The following PDE10A variants were observed in gnomAD, a reference collection of about 807,000 sequenced individuals.
PDE10A encodes the protein phosphodiesterase 10A.
Under a neutral mutation model 97.7 loss-of-function variants are expected in PDE10A, and 39 were observed. The observed-to-expected ratio is 0.40, with a 90% CI of 0.31 to 0.52. The LOEUF (loss-of-function observed/expected upper bound fraction) is 0.52. Among genes scored for constraint, PDE10A ranks in the 20% least tolerant of loss-of-function variants. PDE10A has a pLI of 0.56. For missense variants in PDE10A, 731 were observed against 1,047.8 expected (o/e 0.70, Z 4.17); for synonymous variants, 371 against 376.8 (o/e 0.98, Z 0.18).
chr6:165,912,884 A>C (rs1011479968), intron 1 of PDE10A, among the ~76,000 whole-genome samples: 2 of 152,222 alleles, frequency 1.3e-5, no homozygotes, highest in Non-Finnish European at 2.9e-5. Context: ...TGCAGTGTAC[A>C]TGGCAACTTT....
intron 2 of PDE10A, among the ~76,000 whole-genome samples, chr6:165,528,046 AT>A (rs937634960): frequency 1.3e-5 from 2 of 152,220 alleles, no homozygotes; most frequent in African/African-American, 4.8e-5. Context: ...TGCACTTTGA[AT>A]GGAAGGAGAA....
intron 2 of PDE10A, among the ~76,000 whole-genome samples, chr6:165,492,601 C>G (rs1472764552): frequency 1.3e-5 from 2 of 152,132 alleles, no homozygotes; most frequent in Non-Finnish European, 2.9e-5. Context: ...ACATGATCAA[C>G]TCAATAGATG....
chr6:165,895,949 CAGAAACA>C (rs1583249209), intron 1 of PDE10A, among the ~76,000 whole-genome samples: 1 of 152,320 alleles, frequency 6.6e-6, no homozygotes, highest in East Asian at 1.9e-4. Context: ...GCCACAGAAA[CAGAAACA>C]AGCATGGTGT....
At chr6:165,505,305 C>CT (rs1193852111) in intron 2 of PDE10A, among the ~76,000 whole-genome samples, 1 of 152,144 alleles carries the variant, frequency 6.6e-6, no homozygotes, top group Non-Finnish European at 1.5e-5. Context: ...ATTCAAAAGA[C>CT]TCCAGTTTAA....
upstream of PDE10A, among the ~76,000 whole-genome samples, chr6:165,663,274 C>T (rs532465736): frequency 5.1e-4 from 77 of 151,974 alleles, no homozygotes; most frequent in Non-Finnish European, 9.6e-4. Context: ...CCGCCGCCGC[C>T]GCCGCCGCCT....
In PDE10A at chr6:165,645,882, T is replaced by C. The variant is rs990392173; in HGVS notation, c.865+16065A>G. Among the ~76,000 whole-genome samples the C allele has an allele frequency of 1.1e-4, 17 of 148,366 alleles. 1 individual carries two copies. The highest frequency in any genetic ancestry group is 3.7e-4 in the African/African-American group (15 of 40,434). On this transcript the variant is annotated intron_variant, in intron 1 of 21. Coordinates refer to ENST00000539869, the MANE Select transcript of PDE10A (RefSeq NM_001385079.1). ...AAAAAAAAAAAAAGTTTACTTCCTT[T>C]AGCCAACTACTAATATCCACCAAAA...
At chr6:165,571,481 C>G (rs1252628510) in intron 1 of PDE10A, among the ~76,000 whole-genome samples, 1 of 152,150 alleles carries the variant, frequency 6.6e-6, no homozygotes, top group African/African-American at 2.4e-5. Context: ...AAAATGTTAT[C>G]TGAGTAGTCA....
intron 1 of PDE10A, among the ~76,000 whole-genome samples, chr6:165,681,665 A>T (rs981744345): frequency 1.3e-5 from 2 of 152,222 alleles, no homozygotes; most frequent in Admixed American, 6.5e-5. Context: ...TTCTAAAAAA[A>T]GCAAATTGTG....
intron 18 of PDE10A, among the ~76,000 whole-genome samples, chr6:165,355,868 A>G (rs55694649): frequency 0.16 from 24,631 of 152,152 alleles, 2,192 homozygotes; most frequent in East Asian, 0.27. Flanking sequence ...GCTGCTTGAC[A>G]TCCTTGCTGT....
chr6:165,547,448 A>C (rs1783793799), intron 1 of PDE10A, among the ~76,000 whole-genome samples: 8 of 152,162 alleles, frequency 5.3e-5, no homozygotes, highest in Admixed American at 5.2e-4. Context: ...ATGAAGGATT[A>C]CAGTCTAAAC....
intron 2 of PDE10A, among the ~76,000 whole-genome samples, chr6:165,532,966 G>A (rs1782873028): frequency 6.6e-6 from 1 of 152,038 alleles, no homozygotes; most frequent in South Asian, 2.1e-4. Flanking sequence ...ATACTACTCT[G>A]GTGACACAAA....
intron 5 of PDE10A, among the ~76,000 whole-genome samples, chr6:165,440,127 AC>A (rs1790327968): frequency 1.3e-5 from 2 of 152,232 alleles, no homozygotes; most frequent in Non-Finnish European, 2.9e-5. Context: ...TGGATAGTAA[AC>A]AAATTTACAT....
intron 1 of PDE10A, among the ~76,000 whole-genome samples, chr6:165,823,583 A>T (rs1779644197): frequency 6.9e-6 from 1 of 145,670 alleles, no homozygotes; most frequent in South Asian, 2.2e-4. Flanking sequence ...ATAAATATTC[A>T]ATATATATAA....
chr6:165,674,312 A>AG (rs1790731833), intron 1 of PDE10A, among the ~76,000 whole-genome samples: 1 of 148,504 alleles, frequency 6.7e-6, no homozygotes, highest in African/African-American at 2.5e-5. Flanking sequence ...GGCGTGCAGC[A>AG]GGCACTCAGC....
intron 2 of PDE10A, among the ~76,000 whole-genome samples, chr6:165,530,035 T>G (rs1782677706): frequency 6.6e-6 from 1 of 152,092 alleles, no homozygotes; most frequent in East Asian, 1.9e-4. Context: ...CACCATCTAA[T>G]CAGCTTCCAG....
At chr6:165,369,684 C>T (rs9457080) in intron 18 of PDE10A, among the ~76,000 whole-genome samples, 58,811 of 118,552 alleles carry the variant, frequency 0.5, 16,274 homozygotes, top group African/African-American at 0.69. Flanking sequence ...ACTTCCCCAA[C>T]CTAGCAAGGC....
chr6:165,465,457 A>G (rs974562423), intron 3 of PDE10A, among the ~76,000 whole-genome samples: 1 of 152,266 alleles, frequency 6.6e-6, no homozygotes, highest in African/African-American at 2.4e-5. Context: ...CTGAGCACAG[A>G]AGAAATGCTA....
intron 1 of PDE10A, among the ~76,000 whole-genome samples, chr6:165,587,197 G>A (rs1402123423): frequency 6.6e-6 from 1 of 152,170 alleles, no homozygotes; most frequent in Non-Finnish European, 1.5e-5. Flanking sequence ...AAAGAAGACA[G>A]TAAATATCCA....
At chr6:165,869,519 A>T (rs758342443) in intron 1 of PDE10A, among the ~76,000 whole-genome samples, 8 of 152,122 alleles carry the variant, frequency 5.3e-5, no homozygotes, top group African/African-American at 1.9e-4. Flanking sequence ...TGACTGTACT[A>T]CTCAAAGCAA....
Sources: allele counts gnomAD v4.1 joint callset (sites outside exome capture counted in the v4.1 genomes callset), GRCh38; gene constraint gnomAD v4.1.1; transcripts MANE v1.5; gene names NCBI Gene and HGNC (gene_info 2026-07-23, HGNC 2026-07-21).